The following SGCZ variants were observed in gnomAD, a reference collection of about 807,000 sequenced individuals.
The protein encoded by SGCZ is sarcoglycan zeta, also known as zeta-sarcoglycan.
SGCZ carries 40 observed loss-of-function variants against 41.3 expected under a neutral mutation model. The observed-to-expected ratio is 0.97, with a 90% CI of 0.75 to 1.26. SGCZ has a LOEUF of 1.26. Among genes scored for constraint, SGCZ ranks in the 50% most tolerant of loss-of-function variants. The pLI, the probability that SGCZ is intolerant of heterozygous loss-of-function variation, is 0.00. For synonymous variants in SGCZ, 206 were observed against 137.5 expected, an observed-to-expected ratio of 1.50 and a Z score of -3.49; for missense variants, 552 against 369.8, an observed-to-expected ratio of 1.49 and a Z score of -4.04.
chr8:14,185,952 G>GATT, intron 4 of SGCZ, among the ~76,000 whole-genome samples: 1 of 152,284 alleles, frequency 6.6e-6, no homozygotes, highest in Non-Finnish European at 1.5e-5. Flanking sequence ...CTTGGAATCT[G>GATT]CGTTTCTAAT....
At chr8:14,761,894 C>T (rs1277716444) in intron 1 of SGCZ, among the ~76,000 whole-genome samples, 1 of 152,094 alleles carries the variant, frequency 6.6e-6, no homozygotes, top group Non-Finnish European at 1.5e-5. Context: ...GAATTTCCAT[C>T]AGTAGATTGT....
rs184465905 is a variant in SGCZ, at chr8:14,335,924, T to A, written c.235-11720A>T. 3.1e-3 allele frequency among the ~76,000 whole-genome samples: 469 copies of A among 152,094 alleles called. 2 individuals are homozygous for A. The highest frequency in any genetic ancestry group is 0.01 in the African/African-American group (435 of 41,494). Reference sequence around the variant, plus strand: ...AATTTATTTTTACAACCGTATTTTTTAAAAAAAACTTTTAGGTTCAGGGGT... The same window carrying A: ...AATTTATTTTTACAACCGTATTTTTAAAAAAAAACTTTTAGGTTCAGGGGT... On this transcript the variant is annotated intron_variant, in intron 2 of 7. Coordinates refer to ENST00000382080, the MANE Select transcript of SGCZ (RefSeq NM_139167.4).
At chr8:14,889,347 C>T (rs930567138) in intron 1 of SGCZ, among the ~76,000 whole-genome samples, 1 of 151,818 alleles carries the variant, frequency 6.6e-6, no homozygotes, top group East Asian at 1.9e-4. Flanking sequence ...TTACTTCAAC[C>T]TGTATTTAAA....
intron 2 of SGCZ, among the ~76,000 whole-genome samples, chr8:14,549,578 A>G (rs762770012): frequency 6.6e-6 from 1 of 152,260 alleles, no homozygotes. Flanking sequence ...CAAGATATCA[A>G]GGTAAATAAG....
chr8:15,157,531 G>A (rs1049065873), intron 1 of SGCZ, among the ~76,000 whole-genome samples: 3 of 152,004 alleles, frequency 2.0e-5, no homozygotes, highest in Admixed American at 6.6e-5. Flanking sequence ...ACAAATTCAC[G>A]GATTCAATTC....
chr8:14,998,522 T>C (rs879720797), intron 1 of SGCZ, among the ~76,000 whole-genome samples: 6 of 131,028 alleles, frequency 4.6e-5, no homozygotes, highest in Admixed American at 7.6e-5. Flanking sequence ...TTCAAACAGT[T>C]AACTTTTTCT....
At chr8:15,167,491 C>T (rs1799701599) in intron 1 of SGCZ, among the ~76,000 whole-genome samples, 1 of 152,130 alleles carries the variant, frequency 6.6e-6, no homozygotes, top group Admixed American at 6.5e-5. Flanking sequence ...GGATGCAAAC[C>T]CATGGTTGTG....
intron 1 of SGCZ, among the ~76,000 whole-genome samples, chr8:15,184,154 T>C (rs1800262057): frequency 6.6e-6 from 1 of 152,260 alleles, no homozygotes; most frequent in Non-Finnish European, 1.5e-5. Context: ...TTCTCCTTAA[T>C]ATGCTTGCTC....
At chr8:14,392,387 T>A (rs1385562916) in intron 2 of SGCZ, among the ~76,000 whole-genome samples, 1 of 152,140 alleles carries the variant, frequency 6.6e-6, no homozygotes, top group African/African-American at 2.4e-5. Flanking sequence ...CTAGTTTTAA[T>A]CATCACTGAA....
chr8:15,049,094 T>A (rs1804420799), intron 1 of SGCZ, among the ~76,000 whole-genome samples: 1 of 152,154 alleles, frequency 6.6e-6, no homozygotes, highest in East Asian at 1.9e-4. Context: ...TGCACAGTGC[T>A]ACACAATGGA....
intron 1 of SGCZ, among the ~76,000 whole-genome samples, chr8:15,169,067 G>C (rs555067371): frequency 6.6e-6 from 1 of 152,110 alleles, no homozygotes; most frequent in African/African-American, 2.4e-5. Context: ...TTTGCCTTCA[G>C]GCCATCAAAC....
At chr8:14,342,196 G>A (rs1161845759) in intron 2 of SGCZ, among the ~76,000 whole-genome samples, 1 of 152,174 alleles carries the variant, frequency 6.6e-6, no homozygotes, top group African/African-American at 2.4e-5. Flanking sequence ...GTTGGGAACT[G>A]GAGCAAAGCT....
chr8:14,269,182 C>T (rs1799976301), intron 3 of SGCZ, among the ~76,000 whole-genome samples: 1 of 152,030 alleles, frequency 6.6e-6, no homozygotes, highest in Admixed American at 6.6e-5. Context: ...AAGGTTTTAT[C>T]ATAGCATTAT....
intron 1 of SGCZ, among the ~76,000 whole-genome samples, chr8:15,010,978 A>G (rs1402352620): frequency 2.0e-5 from 3 of 152,206 alleles, no homozygotes; most frequent in African/African-American, 7.2e-5. Flanking sequence ...ACAGTGCTTC[A>G]TCTATTGTGC....
At chr8:14,203,610 A>T (rs7842004) in intron 4 of SGCZ, among the ~76,000 whole-genome samples, 3 of 152,284 alleles carry the variant, frequency 2.0e-5, no homozygotes, top group African/African-American at 7.2e-5. Context: ...GAGTCATTAC[A>T]ATGGAAGTGT....
intron 4 of SGCZ, among the ~76,000 whole-genome samples, chr8:14,174,001 TAAAG>T (rs1262802590): frequency 6.6e-6 from 1 of 152,070 alleles, no homozygotes; most frequent in African/African-American, 2.4e-5. Context: ...TCAAGGAGGA[TAAAG>T]AGTTTTAAAA....
chr8:14,139,234 G>T (rs567664802), intron 5 of SGCZ, among the ~76,000 whole-genome samples: 29 of 152,148 alleles, frequency 1.9e-4, no homozygotes, highest in Non-Finnish European at 3.8e-4. Context: ...GCCTACAAGA[G>T]AAAGCAGGAA....
intron 5 of SGCZ, among the ~76,000 whole-genome samples, chr8:14,134,634 T>C (rs1803142267): frequency 2.0e-5 from 3 of 152,218 alleles, no homozygotes; most frequent in Non-Finnish European, 2.9e-5. Flanking sequence ...ATTTAAGCAC[T>C]GTTCGCTTCT....
At chr8:15,087,769 C>A (rs1419368468) in intron 1 of SGCZ, among the ~76,000 whole-genome samples, 1 of 152,092 alleles carries the variant, frequency 6.6e-6, no homozygotes, top group African/African-American at 2.4e-5. Context: ...AAGAATGAAA[C>A]AAGAGTCAAC....
Sources: allele counts gnomAD v4.1 joint callset (sites outside exome capture counted in the v4.1 genomes callset), GRCh38; gene constraint gnomAD v4.1.1; transcripts MANE v1.5; gene names NCBI Gene and HGNC (gene_info 2026-07-23, HGNC 2026-07-21).